The following MBD2 variants were observed in gnomAD, a reference collection of about 807,000 sequenced individuals.
The protein encoded by MBD2 is methyl-CpG-binding domain protein 2.
In MBD2, 9 loss-of-function variants were observed where a neutral mutation model predicts 39.3. The ratio of observed to expected loss-of-function variants is 0.23; its 90% confidence interval spans 0.14 to 0.40. The LOEUF (loss-of-function observed/expected upper bound fraction) is 0.40. Ranked by LOEUF, MBD2 falls within the 10% of genes least tolerant of loss-of-function variation. The pLI is 1.00. For synonymous variants in MBD2, 233 were observed against 211.1 expected (o/e 1.10, Z -0.90); for missense variants, 458 against 532.6 (o/e 0.86, Z 1.38).
intron 3 of MBD2, among the ~76,000 whole-genome samples, chr18:54,170,220 G>C (rs1238037320): frequency 6.6e-6 from 1 of 152,132 alleles, no homozygotes; most frequent in Non-Finnish European, 1.5e-5. Context: ...GTGTCCCAAA[G>C]AACAAACATG....
intron 6 of MBD2, among the ~76,000 whole-genome samples, chr18:54,156,035 G>A (rs1264294656): frequency 4.6e-5 from 7 of 152,176 alleles, no homozygotes; most frequent in African/African-American, 1.7e-4. Flanking sequence ...GCTGAGGCAT[G>A]ATGAGGCTGG....
intron 1 of MBD2, among the ~76,000 whole-genome samples, chr18:54,211,799 C>G (rs1214873988): frequency 6.6e-6 from 1 of 152,098 alleles, no homozygotes; most frequent in East Asian, 1.9e-4. Flanking sequence ...GGACTTTTAC[C>G]CCATAAGCAA....
At chr18:54,179,853 T>A (rs1408746528) in intron 3 of MBD2, among the ~76,000 whole-genome samples, 5 of 152,078 alleles carry the variant, frequency 3.3e-5, no homozygotes, top group Admixed American at 3.3e-4. Context: ...TCAATTCTAT[T>A]CAACATTGTA....
intron 3 of MBD2, among the ~76,000 whole-genome samples, chr18:54,180,913 T>C (rs1168095229): frequency 2.8e-5 from 4 of 143,872 alleles, no homozygotes; most frequent in Non-Finnish European, 6.1e-5. Flanking sequence ...CTTTTTTTTT[T>C]TTTTTTTTTT....
At chr18:54,181,698 C>T (rs979236659) in intron 3 of MBD2, among the ~76,000 whole-genome samples, 3 of 152,110 alleles carry the variant, frequency 2.0e-5, no homozygotes, top group South Asian at 2.1e-4. Context: ...GACAGGGTTT[C>T]GCATCTTGGC....
chr18:54,169,027 C>T (rs570224913), intron 3 of MBD2, among the ~76,000 whole-genome samples: 83 of 152,188 alleles, frequency 5.5e-4, no homozygotes, highest in African/African-American at 1.9e-3. Flanking sequence ...GCCAGTCTTT[C>T]CCACTCTGTG....
intron 3 of MBD2, among the ~76,000 whole-genome samples, chr18:54,167,493 A>G (rs2086142814): frequency 6.6e-6 from 1 of 152,244 alleles, no homozygotes; most frequent in African/African-American, 2.4e-5. Flanking sequence ...TATCCATTAT[A>G]TACTGGGCAC....
intron 1 of MBD2, among the ~76,000 whole-genome samples, chr18:54,223,227 A>T (rs1372973829): frequency 6.6e-6 from 1 of 152,270 alleles, no homozygotes; most frequent in Non-Finnish European, 1.5e-5. Flanking sequence ...GGATTGCAAG[A>T]TTACACTAAG....
At chr18:54,202,714 T>C in intron 2 of MBD2, 1 of 1,240,564 alleles carries the variant, frequency 8.1e-7, no homozygotes. Flanking sequence ...TTAATAAACA[T>C]TTATTACCAC....
chr18:54,214,009 T>TA (rs1262857740), intron 1 of MBD2, among the ~76,000 whole-genome samples: 61 of 150,916 alleles, frequency 4.0e-4, no homozygotes, highest in African/African-American at 1.4e-3. Flanking sequence ...CTTTCTTTTT[T>TA]TTTTTTTTTT....
At chr18:54,177,543 C>G (rs573722819) in intron 3 of MBD2, among the ~76,000 whole-genome samples, 4 of 151,936 alleles carry the variant, frequency 2.6e-5, no homozygotes, top group Admixed American at 1.3e-4. Context: ...TGCAGTGGCG[C>G]GATCTCGGCT....
chr18:54,196,728 C>T (rs1011498252), intron 2 of MBD2, among the ~76,000 whole-genome samples: 3 of 152,206 alleles, frequency 2.0e-5, no homozygotes, highest in African/African-American at 7.2e-5. Flanking sequence ...AATCTCCCTT[C>T]ATGATTATCA....
chr18:54,163,435 A>T (rs2086110343), intron 5 of MBD2, among the ~76,000 whole-genome samples: 1 of 152,202 alleles, frequency 6.6e-6, no homozygotes, highest in East Asian at 1.9e-4. Flanking sequence ...TTAATATACT[A>T]TAATATAATA....
At chr18:54,202,668 G>C in intron 2 of MBD2, 1 of 1,017,260 alleles carries the variant, frequency 9.8e-7, no homozygotes, top group Non-Finnish European at 1.2e-6. Flanking sequence ...AAAATGAAAG[G>C]TATTTCCAAA....
At chr18:54,183,009 A>C (rs1015160971) in intron 3 of MBD2, among the ~76,000 whole-genome samples, 2 of 152,150 alleles carry the variant, frequency 1.3e-5, no homozygotes, top group African/African-American at 4.8e-5. Flanking sequence ...GGAGCAAGAG[A>C]ACATTCAGGA....
intron 3 of MBD2, among the ~76,000 whole-genome samples, chr18:54,183,919 A>G (rs774784528): frequency 1.3e-5 from 2 of 152,196 alleles, no homozygotes; most frequent in Middle Eastern, 3.4e-3. Flanking sequence ...TGCAGAGTAC[A>G]GGTGTTGGAA....
chr18:54,159,773 A>G lies in MBD2; in HGVS notation c.*4T>C. The G allele has an allele frequency of 6.2e-7, 1 of 1,608,722 alleles. No individual in the cohort carries two copies. The highest frequency in any genetic ancestry group is 8.5e-7 in the Non-Finnish European group (1 of 1,179,906). ...CTCTGGTGTCAGTTTACCTGATCAT[A>G]TTCTTAGGCTTCATCTCCACTGTCC... On this transcript the variant is annotated 3_prime_UTR_variant, in exon 6 of 7. Transcript: ENST00000256429.
intron 1 of MBD2, among the ~76,000 whole-genome samples, chr18:54,222,930 T>C (rs765515012): frequency 3.3e-5 from 5 of 152,228 alleles, no homozygotes; most frequent in African/African-American, 4.8e-5. Flanking sequence ...CAGACACATT[T>C]TCCCAGAGCT....
chr18:54,182,647 A>C (rs1267823455), intron 3 of MBD2, among the ~76,000 whole-genome samples: 1 of 152,186 alleles, frequency 6.6e-6, no homozygotes, highest in Non-Finnish European at 1.5e-5. Context: ...ACACTATCAG[A>C]CCATCATGCC....
Sources: allele counts gnomAD v4.1 joint callset (sites outside exome capture counted in the v4.1 genomes callset), GRCh38; gene constraint gnomAD v4.1.1; transcripts MANE v1.5; gene names NCBI Gene and HGNC (gene_info 2026-07-23, HGNC 2026-07-21).